The following SMAGP variants were observed in gnomAD, a reference collection of about 807,000 sequenced individuals.
SMAGP encodes the protein small cell adhesion glycoprotein.
In SMAGP, 7 loss-of-function variants were observed where a neutral mutation model predicts 10.1. The observed-to-expected ratio is 0.70, with a 90% confidence interval of 0.40 to 1.31. The LOEUF (loss-of-function observed/expected upper bound fraction) is 1.31. Ranked by LOEUF, SMAGP falls within the 50% of genes most tolerant of loss-of-function variation. SMAGP has a pLI of 0.01. For synonymous variants in SMAGP, 49 were observed against 47.2 expected (o/e 1.04, Z -0.16); for missense variants, 113 against 116.5 (o/e 0.97, Z 0.14).
intron 3 of SMAGP, 112 bp downstream of exon 3, chr12:51,246,639 T>TGTGTGTG: frequency 6.4e-6 from 4 of 626,222 alleles, no homozygotes; most frequent in Non-Finnish European, 5.3e-6. Context: ...TGTGTGTGTG[T>TGTGTGTG]AATATAACTT....
At chr12:51,249,518 G>C (rs996035358) in intron 2 of SMAGP, among the ~76,000 whole-genome samples, 1 of 152,182 alleles carries the variant, frequency 6.6e-6, no homozygotes, top group Non-Finnish European at 1.5e-5. Context: ...TTGCTTGCTG[G>C]TGCAGAGAAA....
intron 2 of SMAGP, among the ~76,000 whole-genome samples, chr12:51,263,991 G>T (rs1198668725): frequency 6.6e-6 from 1 of 151,904 alleles, no homozygotes; most frequent in Non-Finnish European, 1.5e-5. Flanking sequence ...TGTAAAATAT[G>T]ATTTTTAATA....
chr12:51,267,466 TCC>T (rs58505496), intron 2 of SMAGP, among the ~76,000 whole-genome samples: 1,736 of 136,274 alleles, frequency 0.013, 42 homozygotes, highest in East Asian at 0.093. Context: ...GCTGACCTAT[TCC>T]CCCCCCCCAC....
intron 2 of SMAGP, among the ~76,000 whole-genome samples, chr12:51,267,471 C>T (rs7955322): frequency 4.8e-5 from 7 of 146,732 alleles, no homozygotes; most frequent in African/African-American, 1.0e-4. Flanking sequence ...CCTATTCCCC[C>T]CCCCCACTCC....
intron 2 of SMAGP, among the ~76,000 whole-genome samples, chr12:51,261,729 A>C (rs1231526923): frequency 2.0e-5 from 3 of 152,202 alleles, no homozygotes; most frequent in Admixed American, 2.0e-4. Flanking sequence ...AATTCTCATT[A>C]AAATCAAATT....
In SMAGP at chr12:51,269,056, T is replaced by C. The variant is rs142019951; in HGVS notation, c.34+189A>G. On this transcript the variant is annotated intron_variant, in intron 2 of 3. Transcript: ENST00000603798. Reference sequence around the variant, plus strand: ...AAGATTTGTGAAGTCACCATGTCCATGTGACTTCAGATTAAAACCGTACTA... The same window carrying C: ...AAGATTTGTGAAGTCACCATGTCCACGTGACTTCAGATTAAAACCGTACTA... Among the ~76,000 whole-genome samples the C allele has an allele frequency of 2.3e-3, 348 of 152,312 alleles. 1 individual carries two copies. Among genetic ancestry groups the C allele is most frequent in the African/African-American group, 8.2e-3 (341 of 41,562 alleles).
At chr12:51,246,404 G>A (rs1944770271) in intron 3 of SMAGP, 1 of 473,284 alleles carries the variant, frequency 2.1e-6, no homozygotes, top group South Asian at 3.9e-5. Flanking sequence ...GGGAAGGAGG[G>A]AACAGGAAAT....
intron 2 of SMAGP, among the ~76,000 whole-genome samples, chr12:51,268,439 T>G (rs1423784428): frequency 6.6e-6 from 1 of 152,216 alleles, no homozygotes; most frequent in Non-Finnish European, 1.5e-5. Context: ...CCCTGTTATC[T>G]TTGAAGATTC....
intron 2 of SMAGP, among the ~76,000 whole-genome samples, chr12:51,266,117 C>T (rs753665470): frequency 1.3e-4 from 19 of 151,684 alleles, no homozygotes; most frequent in Non-Finnish European, 2.5e-4. Context: ...CTCTTATCTG[C>T]GGTTTTGCTT....
At chr12:51,247,944 A>G (rs550289306) in intron 2 of SMAGP, among the ~76,000 whole-genome samples, 1 of 152,292 alleles carries the variant, frequency 6.6e-6, no homozygotes, top group African/African-American at 2.4e-5. Flanking sequence ...CGACCCCCCA[A>G]GGGAGGAATA....
intron 2 of SMAGP, 22 bp from the exon 3 acceptor site, chr12:51,246,853 A>G (rs1944780566): frequency 2.6e-6 from 4 of 1,526,110 alleles, no homozygotes; most frequent in Non-Finnish European, 3.5e-6. Flanking sequence ...AGAAAAGTGG[A>G]AAAGGAAATG....
chr12:51,268,930 C>T (rs958617952), intron 2 of SMAGP, among the ~76,000 whole-genome samples: 2 of 152,124 alleles, frequency 1.3e-5, no homozygotes, highest in African/African-American at 2.4e-5. Flanking sequence ...CTATGTTCCC[C>T]AGGCAGGTCT....
At chr12:51,250,204 CAAAAAAA>C (rs11289025) in intron 2 of SMAGP, among the ~76,000 whole-genome samples, 1,665 of 98,960 alleles carry the variant, frequency 0.017, 41 homozygotes, top group African/African-American at 0.058. Context: ...ACTCTGTCTA[CAAAAAAA>C]AAAAAAAAAA....
chr12:51,261,814 T>C (rs1348166468), intron 2 of SMAGP, among the ~76,000 whole-genome samples: 4 of 152,130 alleles, frequency 2.6e-5, no homozygotes, highest in East Asian at 3.8e-4. Context: ...AGGCCATCCA[T>C]TGTGGAAACA....
chr12:51,257,076 A>G (rs1944891777), intron 2 of SMAGP, among the ~76,000 whole-genome samples: 1 of 152,214 alleles, frequency 6.6e-6, no homozygotes. Flanking sequence ...ATAAATGCTT[A>G]CACAAAATTT....
intron 2 of SMAGP, among the ~76,000 whole-genome samples, chr12:51,256,741 C>A (rs1411298128): frequency 1.5e-3 from 222 of 145,826 alleles, no homozygotes; most frequent in South Asian, 6.2e-3. Flanking sequence ...AACAAACAAA[C>A]AAAAAAAACA....
intron 2 of SMAGP, among the ~76,000 whole-genome samples, chr12:51,259,535 C>T (rs1186784297): frequency 1.3e-5 from 2 of 152,100 alleles, no homozygotes. Context: ...TAACACATTC[C>T]TTGCTCTTAG....
At chr12:51,262,726 T>C (rs1031942998) in intron 2 of SMAGP, among the ~76,000 whole-genome samples, 1 of 152,314 alleles carries the variant, frequency 6.6e-6, no homozygotes, top group South Asian at 2.1e-4. Context: ...ATCTATTCTG[T>C]TCACTTACTC....
chr12:51,268,913 G>T (rs1005894564), intron 2 of SMAGP, among the ~76,000 whole-genome samples: 1 of 151,794 alleles, frequency 6.6e-6, no homozygotes, highest in South Asian at 2.1e-4. Flanking sequence ...TTAGCAATGG[G>T]GTCTCACTAT....
Sources: allele counts gnomAD v4.1 joint callset (sites outside exome capture counted in the v4.1 genomes callset), GRCh38; gene constraint gnomAD v4.1.1; transcripts MANE v1.5; gene names NCBI Gene and HGNC (gene_info 2026-07-23, HGNC 2026-07-21).